CDH13: variants seen among roughly 807,000 people sequenced by gnomAD.
CDH13 encodes cadherin-13.
In CDH13, 24 loss-of-function variants were observed where a neutral mutation model predicts 63.8. That is an observed-to-expected ratio of 0.38 (90% CI 0.27 to 0.53). The LOEUF (loss-of-function observed/expected upper bound fraction) is 0.53. Among genes scored for constraint, CDH13 ranks in the 20% least tolerant of loss-of-function variants. The pLI is 0.85. For missense variants in CDH13, 1,049 were observed against 903.1 expected (o/e 1.16, Z -2.07); for synonymous variants, 503 against 355.3 (o/e 1.42, Z -4.67).
rs1467187039 is a variant in CDH13 at position 83,798,866 on chromosome 16, G to A, written c.*3836G>A. 1.1e-5 allele frequency: 1 copy of A among 93,962 alleles called. No individual in the cohort carries two copies. Among genetic ancestry groups the A allele is most frequent in the Non-Finnish European group, 2.5e-5 (1 of 40,252 alleles). 5.8% of individuals were successfully genotyped at this position (93,962 alleles called of 1,614,324 possible). On this transcript the variant is annotated 3_prime_UTR_variant, in exon 14 of 14. Transcript: ENST00000567109. Reference sequence around the variant, plus strand: ...TACTTCTTCAATCTGAAAGCTTTCTGTTAAAAAAAAAAATGTTAACATCGT... The same window carrying A: ...TACTTCTTCAATCTGAAAGCTTTCTATTAAAAAAAAAAATGTTAACATCGT...
intron 1 of CDH13, among the ~76,000 whole-genome samples, chr16:82,774,729 G>C (rs911306396): frequency 6.6e-6 from 1 of 152,156 alleles, no homozygotes; most frequent in African/African-American, 2.4e-5. Context: ...GGATAGGTGA[G>C]GCTCTGCTGC....
At chr16:82,659,418 G>C (rs1911673756) in intron 1 of CDH13, among the ~76,000 whole-genome samples, 1 of 152,222 alleles carries the variant, frequency 6.6e-6, no homozygotes, top group African/African-American at 2.4e-5. Context: ...CTCTGGTTGA[G>C]TCTAGGCACT....
At chr16:83,348,477 C>A (rs537339304) in intron 6 of CDH13, among the ~76,000 whole-genome samples, 2 of 152,188 alleles carry the variant, frequency 1.3e-5, no homozygotes, top group Non-Finnish European at 1.5e-5. Flanking sequence ...TGGGGCACAG[C>A]CTTTGTGGCC....
intron 3 of CDH13, among the ~76,000 whole-genome samples, chr16:83,060,438 C>A (rs977347223): frequency 6.6e-6 from 1 of 152,180 alleles, no homozygotes; most frequent in Non-Finnish European, 1.5e-5. Context: ...GGGAAGAGAA[C>A]TGTAGAGTCT....
chr16:82,844,243 TGAA>T (rs1422431987), intron 1 of CDH13, among the ~76,000 whole-genome samples: 2 of 152,104 alleles, frequency 1.3e-5, no homozygotes, highest in Admixed American at 1.3e-4. Context: ...CTGGCTTGAA[TGAA>T]GAAGGAGGCT....
In CDH13 at chr16:83,015,677, GTATATATATATATATATATATATATATA is replaced by G. The variant is rs71148803; in HGVS notation, c.158-16314_158-16287del. Among the ~76,000 whole-genome samples the G allele has an allele frequency of 9.8e-4, 37 of 37,568 alleles. No homozygotes were observed. In the South Asian group the frequency reaches 0.012, roughly 12 times the overall value. 24.6% of individuals were successfully genotyped at this position (37,568 alleles called of 152,430 possible). A position where few individuals can be genotyped will look rare whatever the true frequency, so the allele number is the denominator to read the frequency against. On this transcript the variant is annotated intron_variant, in intron 2 of 13. Coordinates refer to ENST00000567109, the MANE Select transcript of CDH13 (RefSeq NM_001257.5). The stretch of plus-strand genomic sequence containing the variant: ...CATATATGTGTGTGTGTGTGTGTAT[GTATATATATATATATATATATATATATA>G]TATATATATATATATATAAAGAAAA...
intron 13 of CDH13, among the ~76,000 whole-genome samples, chr16:83,792,275 C>T (rs1033529497): frequency 6.6e-6 from 1 of 152,216 alleles, no homozygotes; most frequent in Admixed American, 6.5e-5. Context: ...GCTTTCCATG[C>T]ACCTTGCGCA....
chr16:82,684,340 T>C (rs1328691297), intron 1 of CDH13, among the ~76,000 whole-genome samples: 1 of 152,148 alleles, frequency 6.6e-6, no homozygotes, highest in East Asian at 1.9e-4. Context: ...GGGTCATCAG[T>C]CCCTTAGATA....
intron 2 of CDH13, among the ~76,000 whole-genome samples, chr16:82,968,045 A>G (rs75878470): frequency 1.3e-5 from 2 of 152,180 alleles, no homozygotes; most frequent in Non-Finnish European, 2.9e-5. Flanking sequence ...GAGTCCTTCT[A>G]CATTTATTTG....
rs143348568 is a variant in CDH13, at chr16:83,017,420, A to G, written c.158-14590A>G. Among the ~76,000 whole-genome samples the G allele has an allele frequency of 3.2e-3, 489 of 152,258 alleles. 4 individuals are homozygous for G. Among genetic ancestry groups the G allele is most frequent in the African/African-American group, 0.011 (473 of 41,556 alleles). On this transcript the variant is annotated intron_variant, in intron 2 of 13. Transcript: ENST00000567109. ...TCGAACATTTACTTTGGATACCATC[A>G]TTTGAAGGAATCCACTCTCTTTCCC...
intron 7 of CDH13, among the ~76,000 whole-genome samples, chr16:83,531,873 GT>G (rs1468457163): frequency 2.6e-5 from 4 of 152,190 alleles, no homozygotes; most frequent in African/African-American, 9.7e-5. Flanking sequence ...CTAACAGTTT[GT>G]GGTAATTTGT....
In CDH13 at chr16:82,873,047, A is replaced by G. The variant is rs571292690; in HGVS notation, c.157+14574A>G. Among the ~76,000 whole-genome samples, 18 of 152,326 alleles carry G rather than the reference A, an allele frequency of 1.2e-4. No homozygotes were observed. The South Asian group carries it at 1.9e-3, about 16-fold the overall frequency. On this transcript the variant is annotated intron_variant, in intron 2 of 13. Coordinates refer to ENST00000567109, the MANE Select transcript of CDH13 (RefSeq NM_001257.5). The stretch of plus-strand genomic sequence containing the variant: ...GAAGGAAATAAGGCAAGGTCATATG[A>G]TAGAGATTTCTGCATGGCTGCTGAA...
chr16:83,287,803 C>G (rs1026542894), intron 5 of CDH13, among the ~76,000 whole-genome samples: 4 of 152,164 alleles, frequency 2.6e-5, no homozygotes, highest in African/African-American at 7.2e-5. Flanking sequence ...TTCCATGGAA[C>G]CAGTCCCTGG....
Position 82,877,948 on chromosome 16 carries a change from CACACACACACACATAT to C in CDH13, c.157+19489_157+19504del, listed in dbSNP as rs751168559. 6.1e-3 allele frequency among the ~76,000 whole-genome samples: 840 copies of C among 137,356 alleles called. 8 individuals are homozygous for C. The highest frequency in any genetic ancestry group is 0.03 in the East Asian group (61 of 2,008). 90.1% of individuals were successfully genotyped at this position (137,356 alleles called of 152,430 possible). A position where few individuals can be genotyped will look rare whatever the true frequency, so the allele number is the denominator to read the frequency against. ...AGACACACACACACACACACACACA[CACACACACACACATAT>C]ACACACACACACACTCTATATATGT... On this transcript the variant is annotated intron_variant, in intron 2 of 13. Coordinates refer to ENST00000567109, the MANE Select transcript of CDH13 (RefSeq NM_001257.5).
intron 4 of CDH13, among the ~76,000 whole-genome samples, chr16:83,216,408 A>ATGTATG (rs66685513): frequency 5.3e-5 from 4 of 76,016 alleles, no homozygotes; most frequent in African/African-American, 1.9e-4. Context: ...ATATATATAT[A>ATGTATG]TATATATATA....
At position 83,428,392 on chromosome 16, in the gene CDH13, A is replaced by G. The variant is rs546251170; in HGVS notation, c.782-58085A>G. Among the ~76,000 whole-genome samples, 30 of 151,662 alleles carry G rather than the reference A, an allele frequency of 2.0e-4. No homozygotes were observed. The East Asian group carries it at 2.3e-3, about 12-fold the overall frequency. ...TAGATTTTTTTTTTTTAACTCCAAT[A>G]TTTTCCTGAGTTGATTTTAGCTTTG... On this transcript the variant is annotated intron_variant, in intron 6 of 13. Coordinates refer to ENST00000567109, the MANE Select transcript of CDH13 (RefSeq NM_001257.5).
chr16:83,356,230 GTGT>G (rs2091053173), intron 6 of CDH13, among the ~76,000 whole-genome samples: 1 of 88,466 alleles, frequency 1.1e-5, no homozygotes, highest in African/African-American at 6.6e-5. Flanking sequence ...GTGTGTGTGT[GTGT>G]GTGTGTGTGT....
intron 7 of CDH13, among the ~76,000 whole-genome samples, chr16:83,590,465 G>C (rs943057291): frequency 1.3e-5 from 2 of 152,186 alleles, no homozygotes; most frequent in African/African-American, 4.8e-5. Context: ...CGGCCAGGTT[G>C]TGGGGAAGAT....
At chr16:82,943,435 A>G (rs929697963) in intron 2 of CDH13, among the ~76,000 whole-genome samples, 7 of 152,216 alleles carry the variant, frequency 4.6e-5, no homozygotes, top group African/African-American at 1.4e-4. Flanking sequence ...TAAGCATCCA[A>G]TAGTGAAAGT....
Sources: gnomAD v4.1 joint callset for allele counts (sites outside exome capture counted in the v4.1 genomes callset) on GRCh38, gnomAD v4.1.1 for gene constraint, MANE v1.5 for transcripts, NCBI Gene and HGNC (gene_info 2026-07-23, HGNC 2026-07-21) for gene names.